The following ARSK variants were observed in gnomAD, a reference collection of about 807,000 sequenced individuals.
ARSK encodes the protein arylsulfatase family member K.
ARSK carries 37 observed loss-of-function variants against 53.2 expected under a neutral mutation model. The observed-to-expected ratio is 0.70, with a 90% CI of 0.54 to 0.92. The LOEUF (loss-of-function observed/expected upper bound fraction) is 0.92, where lower values mean the gene tolerates loss of function less well. ARSK is among the 40% of genes least tolerant of loss of function. The pLI, the probability that ARSK is intolerant of heterozygous loss-of-function variation, is 0.00. For missense variants in ARSK, 613 were observed against 643.0 expected (o/e 0.95, Z 0.51); for synonymous variants, 208 against 223.2 (o/e 0.93, Z 0.61).
intron 3 of ARSK, among the ~76,000 whole-genome samples, chr5:95,574,143 C>A (rs1482164880): frequency 6.6e-6 from 1 of 152,170 alleles, no homozygotes; most frequent in Non-Finnish European, 1.5e-5. Context: ...ATAATGACCT[C>A]CAGTTCCATC....
chr5:95,565,423 A>C (rs1273143512), intron 1 of ARSK, among the ~76,000 whole-genome samples: 1 of 152,188 alleles, frequency 6.6e-6, no homozygotes, highest in East Asian at 1.9e-4. Context: ...TCTCACAGAT[A>C]TCTCAAACTT....
chr5:95,566,470 G>A (rs949018765), intron 2 of ARSK, among the ~76,000 whole-genome samples: 3 of 152,090 alleles, frequency 2.0e-5, no homozygotes, highest in Non-Finnish European at 4.4e-5. Flanking sequence ...TTTCAGTAAC[G>A]GTATAGGTAA....
At chr5:95,569,212 T>C (rs959435525) in intron 3 of ARSK, among the ~76,000 whole-genome samples, 3 of 152,210 alleles carry the variant, frequency 2.0e-5, no homozygotes, top group African/African-American at 7.2e-5. Flanking sequence ...AGTGCCTCTT[T>C]CTTACCTAGG....
chr5:95,586,690 A>G lies in ARSK; in HGVS notation c.828A>G (p.Arg276=). The change falls in exon 5 of 8, where the codon AGA becomes AGG. Residue 276 remains arginine, a synonymous_variant. Coordinates refer to ENST00000380009, the MANE Select transcript of ARSK (RefSeq NM_198150.3). Reference sequence around the variant, plus strand: ...CAAAAAAAGAAATTAAGAATATTAGAGCATTTTATTATGCTATGTGTGCTG... The same window carrying G: ...CAAAAAAAGAAATTAAGAATATTAGGGCATTTTATTATGCTATGTGTGCTG... ...RFTKKEIKNI[R]AFYYAMCAET... is the part of the protein sequence containing the mutation. The G allele has an allele frequency of 6.2e-7, 1 of 1,612,008 alleles. No homozygotes were observed. Among genetic ancestry groups the G allele is most frequent in the Non-Finnish European group, 8.5e-7 (1 of 1,178,912 alleles).
At chr5:95,596,718 A>G (rs189171458) in intron 6 of ARSK, among the ~76,000 whole-genome samples, 8 of 152,266 alleles carry the variant, frequency 5.3e-5, no homozygotes, top group South Asian at 2.1e-4. Context: ...AAGAAACTGA[A>G]TAAGAAAAAC....
At chr5:95,560,685 A>G (rs1458406489) in intron 1 of ARSK, among the ~76,000 whole-genome samples, 1 of 152,196 alleles carries the variant, frequency 6.6e-6, no homozygotes, top group African/African-American at 2.4e-5. Flanking sequence ...CACACAAAAA[A>G]AAACTTTAAG....
At chr5:95,589,086 G>T (rs1267015054) in intron 5 of ARSK, among the ~76,000 whole-genome samples, 2 of 152,104 alleles carry the variant, frequency 1.3e-5, no homozygotes, top group Non-Finnish European at 2.9e-5. Flanking sequence ...GGCTTATTCT[G>T]TCTTTAGATC....
intron 6 of ARSK, among the ~76,000 whole-genome samples, chr5:95,595,931 T>C (rs1561369541): frequency 1.3e-5 from 2 of 152,234 alleles, no homozygotes; most frequent in Admixed American, 1.3e-4. Context: ...CAAATTGATG[T>C]TTTTGTTTTG....
In ARSK at chr5:95,601,040, G is replaced by C. The variant is rs61733083; in HGVS notation, c.1290G>C (p.Ser430=). 1 of 1,613,732 alleles carries C rather than the reference G, an allele frequency of 6.2e-7. No homozygotes were observed. Among genetic ancestry groups the C allele is most frequent in the African/African-American group, 1.3e-5 (1 of 74,878 alleles). Residue 430 remains serine, a synonymous_variant, in exon 7 of 8, where the codon TCG becomes TCC. Transcript: ENST00000380009. Reference sequence around the variant, plus strand: ...ACCACTGGAAATATATAGCCTATTCGGATGGTGCATCAATATTGCCTCAAC... The same window carrying C: ...ACCACTGGAAATATATAGCCTATTCCGATGGTGCATCAATATTGCCTCAAC... ...RTNHWKYIAY[S]DGASILPQLF...
At chr5:95,568,197 A>C in intron 3 of ARSK, 148 bp downstream of exon 3, 1 of 874,934 alleles carries the variant, frequency 1.1e-6, no homozygotes, top group Non-Finnish European at 1.7e-6. Flanking sequence ...CTGAAATTTT[A>C]GCTTTCTTTC....
chr5:95,572,364 A>G (rs2112422065), intron 3 of ARSK, among the ~76,000 whole-genome samples: 1 of 152,354 alleles, frequency 6.6e-6, no homozygotes, highest in Non-Finnish European at 1.5e-5. Flanking sequence ...GAAATTCTAT[A>G]ACTCCAATGG....
intron 3 of ARSK, among the ~76,000 whole-genome samples, chr5:95,568,688 G>C (rs1036818069): frequency 6.6e-6 from 1 of 152,188 alleles, no homozygotes; most frequent in Non-Finnish European, 1.5e-5. Context: ...CCTTAGAAAG[G>C]CCTGCTTGGA....
At chr5:95,579,773 C>T (rs1404189237) in intron 3 of ARSK, among the ~76,000 whole-genome samples, 1 of 152,126 alleles carries the variant, frequency 6.6e-6, no homozygotes, top group Non-Finnish European at 1.5e-5. Context: ...GACATTGGGC[C>T]ACTTAAGAGG....
At chr5:95,558,023 G>A (rs1037458215) in intron 1 of ARSK, among the ~76,000 whole-genome samples, 1 of 152,174 alleles carries the variant, frequency 6.6e-6, no homozygotes, top group East Asian at 1.9e-4. Context: ...CACTCAGGTG[G>A]GTGTGGCCAA....
chr5:95,585,822 G>T (rs1749102718), intron 4 of ARSK, among the ~76,000 whole-genome samples: 1 of 152,036 alleles, frequency 6.6e-6, no homozygotes, highest in South Asian at 2.1e-4. Context: ...TTAAAAGTTA[G>T]TTTAAAAAAA....
chr5:95,595,704 G>C (rs1749297750), intron 6 of ARSK, among the ~76,000 whole-genome samples: 1 of 152,194 alleles, frequency 6.6e-6, no homozygotes, highest in South Asian at 2.1e-4. Flanking sequence ...CAGAGGGCCA[G>C]AGGTTGATAA....
intron 1 of ARSK, among the ~76,000 whole-genome samples, chr5:95,564,787 T>C (rs1270377385): frequency 1.3e-5 from 2 of 152,200 alleles, no homozygotes; most frequent in Non-Finnish European, 2.9e-5. Context: ...CCATTCTTTC[T>C]CAGTTTCCCA....
At chr5:95,575,751 A>G (rs1748913687) in intron 3 of ARSK, among the ~76,000 whole-genome samples, 1 of 152,184 alleles carries the variant, frequency 6.6e-6, no homozygotes, top group Non-Finnish European at 1.5e-5. Flanking sequence ...TATGTCCTGC[A>G]ACTTTACTGA....
At chr5:95,581,171 C>T (rs1460608833) in intron 3 of ARSK, among the ~76,000 whole-genome samples, 1 of 151,994 alleles carries the variant, frequency 6.6e-6, no homozygotes, top group African/African-American at 2.4e-5. Flanking sequence ...TGAAATCTGG[C>T]CATAATGATT....
Sources: allele counts gnomAD v4.1 joint callset (sites outside exome capture counted in the v4.1 genomes callset), GRCh38; gene constraint gnomAD v4.1.1; transcripts MANE v1.5; gene names NCBI Gene and HGNC (gene_info 2026-07-23, HGNC 2026-07-21).